Variants in GPC1 observed in about 807,000 individuals in gnomAD.
GPC1 encodes the protein glypican 1.
Under a neutral mutation model 51.5 loss-of-function variants are expected in GPC1, and 26 were observed. The observed-to-expected ratio is 0.50, with a 90% CI of 0.37 to 0.70. GPC1 has a LOEUF of 0.70. Among genes scored for constraint, GPC1 ranks in the 30% least tolerant of loss-of-function variants. The pLI is 0.00. For synonymous variants in GPC1, 380 were observed against 348.3 expected (o/e 1.09, Z -1.01); for missense variants, 775 against 800.5 (o/e 0.97, Z 0.38).
chr2:240,441,793 G>T (rs554738486), intron 1 of GPC1, among the ~76,000 whole-genome samples: 4 of 152,338 alleles, frequency 2.6e-5, no homozygotes, highest in African/African-American at 7.2e-5. Context: ...TTGGGCCAGG[G>T]AAGCGGGCGG....
At chr2:240,456,262 G>A (rs760669256) in intron 1 of GPC1, among the ~76,000 whole-genome samples, 10 of 152,120 alleles carry the variant, frequency 6.6e-5, no homozygotes, top group Non-Finnish European at 1.0e-4. Flanking sequence ...CATATCTTAC[G>A]GGTGTTTCGG....
Position 240,462,512 on chromosome 2 carries a change from C to T in GPC1, c.647C>T (p.Ala216Val). Reference sequence around the variant, plus strand: ...GAGCTGCGCCTGCGGGCCACCCGTGCCTTCGTGGCTGCTCGCTCCTTTGTG... The same window carrying T: ...GAGCTGCGCCTGCGGGCCACCCGTGTCTTCGTGGCTGCTCGCTCCTTTGTG... ...PRELRLRATRAFVAARSFVQG... is the reference protein window; with the variant it reads ...PRELRLRATRVFVAARSFVQG... The change falls in exon 3 of 9, where the codon GCC becomes GTC. Residue 216 changes from alanine (A) to valine (V), a missense_variant. Ala to Val is a moderately conservative substitution (Grantham distance 64). Transcript: ENST00000264039. 6.3e-7 allele frequency: 1 copy of T among 1,588,338 alleles called. No homozygotes were observed. The highest frequency in any genetic ancestry group is 2.2e-5 in the East Asian group (1 of 44,456).
chr2:240,466,576 A>G lies in GPC1; in HGVS notation c.*286A>G, dbSNP rs2151797951. 1 of 452,470 alleles carries G rather than the reference A, an allele frequency of 2.2e-6. No individual in the cohort carries two copies. 28.0% of individuals were successfully genotyped at this position (452,470 alleles called of 1,614,324 possible). ...CCTCCGGCTGCCTAGCCCTCCCCCCAGCTCCCTGCACCGCCGCAGAAGCAG... is the reference window on the plus strand; with the variant it reads ...CCTCCGGCTGCCTAGCCCTCCCCCCGGCTCCCTGCACCGCCGCAGAAGCAG... On this transcript the variant is annotated 3_prime_UTR_variant, in exon 9 of 9. Transcript: ENST00000264039.
chr2:240,443,199 G>A (rs948120013), intron 1 of GPC1, among the ~76,000 whole-genome samples: 8 of 152,380 alleles, frequency 5.3e-5, no homozygotes, highest in African/African-American at 1.7e-4. Context: ...TCCAGGTTGC[G>A]TTGCGGGAGC....
chr2:240,456,658 C>T, intron 1 of GPC1: 1 of 470,360 alleles, frequency 2.1e-6, no homozygotes, highest in Non-Finnish European at 4.4e-6. Context: ...GTGCACAGGG[C>T]CCCATCACAG....
At chr2:240,449,764 C>T (rs1218277273) in intron 1 of GPC1, 61 of 454,882 alleles carry the variant, frequency 1.3e-4, no homozygotes, top group Admixed American at 1.2e-3. Context: ...TCTATGAATC[C>T]GACTCCTCTA....
In GPC1 at chr2:240,466,551, C is replaced by T; in HGVS notation, c.*261C>T. On this transcript the variant is annotated 3_prime_UTR_variant, in exon 9 of 9. Coordinates refer to ENST00000264039, the MANE Select transcript of GPC1 (RefSeq NM_002081.3). Reference sequence around the variant, plus strand: ...ATGTATTTCAGGGACCTCAGGGGCACCTCCGGCTGCCTAGCCCTCCCCCCA... The same window carrying T: ...ATGTATTTCAGGGACCTCAGGGGCATCTCCGGCTGCCTAGCCCTCCCCCCA... 2 of 498,568 alleles carry T rather than the reference C, an allele frequency of 4.0e-6. No homozygotes were observed. The highest frequency in any genetic ancestry group is 7.1e-6 in the Non-Finnish European group (2 of 281,242). 30.9% of individuals were successfully genotyped at this position (498,568 alleles called of 1,614,324 possible).
At chr2:240,456,002 C>A in intron 1 of GPC1, 1 of 430,452 alleles carries the variant, frequency 2.3e-6, no homozygotes, top group Non-Finnish European at 4.7e-6. Flanking sequence ...GGCTCCCAGG[C>A]CGGCGCCCGA....
chr2:240,457,157 C>T (rs141676551), intron 1 of GPC1, among the ~76,000 whole-genome samples: 1 of 152,164 alleles, frequency 6.6e-6, no homozygotes, highest in South Asian at 2.1e-4. Context: ...CTCCCTCCCC[C>T]TCTAGCTCAA....
At chr2:240,439,687 C>T (rs527392851) in intron 1 of GPC1, among the ~76,000 whole-genome samples, 3 of 152,294 alleles carry the variant, frequency 2.0e-5, no homozygotes, top group Admixed American at 2.0e-4. Flanking sequence ...CGGGAGAGCC[C>T]ACCAGCATCT....
chr2:240,437,252 C>CG (rs1029166994), intron 1 of GPC1, among the ~76,000 whole-genome samples: 6 of 151,688 alleles, frequency 4.0e-5, no homozygotes, highest in African/African-American at 1.5e-4. Flanking sequence ...TGCCTTGCCG[C>CG]GGGGGGCGGA....
At position 240,465,747 on chromosome 2, in the gene GPC1, C is replaced by G. The variant is rs557590577; in HGVS notation, c.1444+99C>G. 8 of 972,536 alleles carry G rather than the reference C, an allele frequency of 8.2e-6. No individual in the cohort carries two copies. The Admixed American group carries it at 1.5e-4, about 18-fold the overall frequency. The allele number at this position is 972,536 out of a possible 1,614,324, so 60.2% of individuals were successfully genotyped here. On this transcript the variant is annotated intron_variant, in intron 8 of 8. Coordinates refer to ENST00000264039, the MANE Select transcript of GPC1 (RefSeq NM_002081.3). ...CGGGTTCCCCCACCCGAGGGGCCCT[C>G]TGCTCCGGCATCACCACAGTGAGTC... is the stretch of plus-strand genomic sequence containing the variant.
At chr2:240,456,400 C>T (rs1246907330) in intron 1 of GPC1, among the ~76,000 whole-genome samples, 4 of 152,166 alleles carry the variant, frequency 2.6e-5, no homozygotes, top group African/African-American at 9.7e-5. Flanking sequence ...CCACCCTCCT[C>T]CCTAGGAGTG....
intron 2 of GPC1, among the ~76,000 whole-genome samples, chr2:240,460,077 T>C (rs1427136574): frequency 6.6e-6 from 1 of 152,082 alleles, no homozygotes; most frequent in Non-Finnish European, 1.5e-5. Flanking sequence ...CTTCTCCGGC[T>C]CCTGGACACC....
At chr2:240,445,223 G>A (rs1001875376) in intron 1 of GPC1, among the ~76,000 whole-genome samples, 14 of 152,126 alleles carry the variant, frequency 9.2e-5, no homozygotes, top group African/African-American at 1.2e-4. Flanking sequence ...TTCTATGTGC[G>A]TGGCCTCATC....
chr2:240,453,037 C>A, intron 1 of GPC1: 2 of 343,160 alleles, frequency 5.8e-6, no homozygotes, highest in South Asian at 4.0e-5. Flanking sequence ...CCGCGTCCGC[C>A]GCCGCGCTGG....
chr2:240,443,688 A>G (rs990350844), intron 1 of GPC1, among the ~76,000 whole-genome samples: 2 of 152,114 alleles, frequency 1.3e-5, no homozygotes, highest in African/African-American at 4.8e-5. Context: ...GTGGGCTCTC[A>G]AGGTCTTTGA....
intron 1 of GPC1, among the ~76,000 whole-genome samples, chr2:240,453,788 G>T (rs1574767526): frequency 6.6e-6 from 1 of 151,918 alleles, no homozygotes; most frequent in Non-Finnish European, 1.5e-5. Flanking sequence ...GCGGCGGCTG[G>T]CGACTGGCAT....
Position 240,464,863 on chromosome 2 carries a change from A to C in GPC1, c.1022A>C (p.Gln341Pro), listed in dbSNP as rs1198501588. 3 of 1,555,518 alleles carry C rather than the reference A, an allele frequency of 1.9e-6. No individual in the cohort carries two copies. Among genetic ancestry groups the C allele is most frequent in the Non-Finnish European group, 2.6e-6 (3 of 1,148,994 alleles). ...CCTGCAGTGTCTCTCCAGGTCATCC[A>C]GGGCTGCGGGAACCCCAAGGTCAAC... ...NRDTLTAKVI[Q>P]GCGNPKVNPQ... Residue 341 changes from glutamine to proline, a missense_variant, in exon 6 of 9, where the codon CAG (glutamine) becomes CCG (proline). Gln to Pro is a moderately conservative substitution (Grantham distance 76). Coordinates refer to ENST00000264039, the MANE Select transcript of GPC1 (RefSeq NM_002081.3).
Sources: allele counts gnomAD v4.1 joint callset (sites outside exome capture counted in the v4.1 genomes callset), GRCh38; gene constraint gnomAD v4.1.1; transcripts MANE v1.5; gene names NCBI Gene and HGNC (gene_info 2026-07-23, HGNC 2026-07-21).